The following CDKL2 variants were observed in gnomAD, a reference collection of about 807,000 sequenced individuals.
CDKL2 encodes cyclin-dependent kinase-like 2.
A neutral mutation model predicts 63.9 loss-of-function variants in CDKL2; 64 were observed. The observed-to-expected ratio is 1.00, with a 90% CI of 0.82 to 1.23. The LOEUF is 1.23. Ranked by LOEUF, CDKL2 falls within the 50% of genes most tolerant of loss-of-function variation. CDKL2 has a pLI of 0.00. For synonymous variants in CDKL2, 211 were observed against 229.2 expected (o/e 0.92, Z 0.72); for missense variants, 656 against 668.0 (o/e 0.98, Z 0.20).
chr4:75,590,691 G>A (rs1313394932), intron 12 of CDKL2, among the ~76,000 whole-genome samples: 1 of 152,080 alleles, frequency 6.6e-6, no homozygotes, highest in African/African-American at 2.4e-5. Flanking sequence ...CTCCAGCCTG[G>A]GCGACAGAGT....
rs1258302955 is a variant in CDKL2 at position 75,602,509 on chromosome 4, C to A, written c.795+1308G>T. On this transcript the variant is annotated intron_variant, in intron 6 of 13. Coordinates refer to ENST00000307465, the MANE Select transcript of CDKL2 (RefSeq NM_001330724.2). ...TGCCCTACATTTTAATATTTTCCTA[C>A]TTCTCTATCCTTTATTTATTTATTT... Among the ~76,000 whole-genome samples, 4 of 151,824 alleles carry A rather than the reference C, an allele frequency of 2.6e-5. No individual in the cohort carries two copies. In the East Asian group the frequency reaches 7.8e-4, roughly 29 times the overall value.
intron 12 of CDKL2, among the ~76,000 whole-genome samples, chr4:75,587,747 C>CAA (rs34265810): frequency 3.3e-5 from 5 of 150,308 alleles, no homozygotes; most frequent in East Asian, 2.0e-4. Flanking sequence ...ACTAAAAATA[C>CAA]AAAAAAATTA....
chr4:75,583,844 G>GA (rs1256398668), intron 12 of CDKL2, among the ~76,000 whole-genome samples: 18 of 151,868 alleles, frequency 1.2e-4, no homozygotes, highest in African/African-American at 4.4e-4. Flanking sequence ...AGATATTGCC[G>GA]AAAAAATACT....
rs1223561248 is a variant in CDKL2 at position 75,578,294 on chromosome 4, C to T, written c.*908G>A. On this transcript the variant is annotated 3_prime_UTR_variant, in exon 14 of 14. Coordinates refer to ENST00000307465, the MANE Select transcript of CDKL2 (RefSeq NM_001330724.2). The stretch of plus-strand genomic sequence containing the variant: ...ACTACCAGGGGACAAAAGTGGAGTC[C>T]ATAATAATGAACGTTCTCTCCCCAA... 6.6e-6 allele frequency: 1 copy of T among 152,144 alleles called. No individual in the cohort carries two copies. Among genetic ancestry groups the T allele is most frequent in the Non-Finnish European group, 1.5e-5 (1 of 68,044 alleles). 9.4% of individuals were successfully genotyped at this position (152,144 alleles called of 1,614,324 possible).
intron 3 of CDKL2, among the ~76,000 whole-genome samples, chr4:75,609,284 A>C (rs1426819928): frequency 6.6e-6 from 1 of 152,156 alleles, no homozygotes; most frequent in Non-Finnish European, 1.5e-5. Flanking sequence ...CTTTGTAAGA[A>C]TAAAACAGGA....
chr4:75,592,099 T>C lies in CDKL2; in HGVS notation c.1540+47A>G, dbSNP rs573512420. ...TTTAAATTCTGTCTAACATACATTT[T>C]AAATAATCTAAACAGACTACACAAA... On this transcript the variant is annotated intron_variant, in intron 11 of 13. Coordinates refer to ENST00000307465, the MANE Select transcript of CDKL2 (RefSeq NM_001330724.2). The C allele has an allele frequency of 7.6e-5, 112 of 1,478,758 alleles. 1 individual carries two copies. Among genetic ancestry groups the C allele is most frequent in the African/African-American group, 6.3e-4 (44 of 70,388 alleles). The allele number at this position is 1,478,758 out of a possible 1,614,324, so 91.6% of individuals were successfully genotyped here.
chr4:75,626,471 C>T (rs1730416645), intron 1 of CDKL2, among the ~76,000 whole-genome samples: 1 of 152,160 alleles, frequency 6.6e-6, no homozygotes, highest in African/African-American at 2.4e-5. Context: ...TTGAGACCAT[C>T]CTGGCTAACA....
intron 13 of CDKL2, among the ~76,000 whole-genome samples, chr4:75,581,215 T>A (rs372693398): frequency 6.6e-6 from 1 of 152,192 alleles, no homozygotes; most frequent in African/African-American, 2.4e-5. Flanking sequence ...GCTAGTAACA[T>A]CATAGTGCAA....
chr4:75,602,585 G>A (rs753486381), intron 6 of CDKL2, among the ~76,000 whole-genome samples: 6 of 152,056 alleles, frequency 3.9e-5, no homozygotes, highest in African/African-American at 4.8e-5. Context: ...GCAGTGGTGC[G>A]ATCTCAGCTC....
At chr4:75,589,832 G>A (rs1175461575) in intron 12 of CDKL2, among the ~76,000 whole-genome samples, 15 of 151,942 alleles carry the variant, frequency 9.9e-5, no homozygotes, top group Non-Finnish European at 1.8e-4. Flanking sequence ...AAAAAATTGT[G>A]TTAGCTGGGC....
In CDKL2 at chr4:75,577,162, C is replaced by T. The variant is rs1299325762; in HGVS notation, c.*2040G>A. 2.0e-5 allele frequency among the ~76,000 whole-genome samples: 3 copies of T among 151,928 alleles called. No homozygotes were observed. The highest frequency in any genetic ancestry group is 7.3e-5 in the African/African-American group (3 of 41,372). On this transcript the variant is annotated 3_prime_UTR_variant, in exon 14 of 14. Transcript: ENST00000307465. ...TAAAACATACATACATGCAGCAAGC[C>T]CACTGCTCCCCACCAGTACATACAC...
At chr4:75,628,845 A>T (rs1234218949) in intron 1 of CDKL2, among the ~76,000 whole-genome samples, 3 of 152,068 alleles carry the variant, frequency 2.0e-5, no homozygotes, top group African/African-American at 7.2e-5. Flanking sequence ...AGATTTTATA[A>T]TATATATATT....
intron 1 of CDKL2, among the ~76,000 whole-genome samples, chr4:75,628,239 T>TCG (rs1730522874): frequency 6.6e-6 from 1 of 151,218 alleles, no homozygotes; most frequent in Admixed American, 6.6e-5. Context: ...CCTCAACCTC[T>TCG]CGAGTAGCTG....
rs896691755 is a variant in CDKL2, at chr4:75,577,108, G to A, written c.*2094C>T. On this transcript the variant is annotated 3_prime_UTR_variant, in exon 14 of 14. Coordinates refer to ENST00000307465, the MANE Select transcript of CDKL2 (RefSeq NM_001330724.2). ...TAAATCTAAATTTAAACCATCTATG[G>A]AGCCCAGTAAGATAATATTTATTAA... is the stretch of plus-strand genomic sequence containing the variant. Among the ~76,000 whole-genome samples the A allele has an allele frequency of 7.9e-5, 12 of 151,702 alleles. No homozygotes were observed. The highest frequency in any genetic ancestry group is 2.7e-4 in the African/African-American group (11 of 41,270).
intron 6 of CDKL2, among the ~76,000 whole-genome samples, chr4:75,601,713 C>A (rs112220041): frequency 9.3e-4 from 142 of 152,070 alleles, no homozygotes; most frequent in African/African-American, 3.4e-3. Flanking sequence ...ATAGTTTTAC[C>A]TTTATTCCCT....
At chr4:75,592,398 G>T in intron 10 of CDKL2, 129 bp from the exon 11 acceptor site, 2 of 655,986 alleles carry the variant, frequency 3.0e-6, no homozygotes, top group South Asian at 3.9e-5. Flanking sequence ...AAAATTTGAA[G>T]GACATTAATA....
At chr4:75,609,121 A>G (rs1729561236) in intron 3 of CDKL2, among the ~76,000 whole-genome samples, 1 of 152,222 alleles carries the variant, frequency 6.6e-6, no homozygotes, top group Admixed American at 6.5e-5. Flanking sequence ...AGAAAAGCCT[A>G]GAGAAAGTTA....
intron 2 of CDKL2, among the ~76,000 whole-genome samples, chr4:75,616,088 A>G (rs180925027): frequency 6.6e-6 from 1 of 152,286 alleles, no homozygotes; most frequent in East Asian, 1.9e-4. Flanking sequence ...ATGAAATAGA[A>G]ATAGAATAAT....
intron 10 of CDKL2, among the ~76,000 whole-genome samples, chr4:75,594,603 A>G (rs1223155314): frequency 6.6e-6 from 1 of 152,148 alleles, no homozygotes; most frequent in African/African-American, 2.4e-5. Flanking sequence ...AGGTAAATGC[A>G]ATGGAAAAAA....
Sources: gnomAD v4.1 joint callset for allele counts (sites outside exome capture counted in the v4.1 genomes callset) on GRCh38, gnomAD v4.1.1 for gene constraint, MANE v1.5 for transcripts, NCBI Gene and HGNC (gene_info 2026-07-23, HGNC 2026-07-21) for gene names.